CACNA1C: variants seen among roughly 807,000 people sequenced by gnomAD.
CACNA1C encodes the protein calcium voltage-gated channel subunit alpha1 C.
Under a neutral mutation model 229.0 loss-of-function variants are expected in CACNA1C, and 30 were observed. The ratio of observed to expected loss-of-function variants is 0.13; its 90% CI spans 0.10 to 0.18. The LOEUF is 0.18. CACNA1C is among the 10% of genes least tolerant of loss of function. The pLI is 1.00. For missense variants in CACNA1C, 1,658 were observed against 2,845.0 expected, an observed-to-expected ratio of 0.58 and a Z score of 9.49; for synonymous variants, 1,114 against 1,132.5, an observed-to-expected ratio of 0.98 and a Z score of 0.33.
intron 3 of CACNA1C, among the ~76,000 whole-genome samples, chr12:2,139,377 G>T (rs556920130): frequency 1.5e-4 from 22 of 151,324 alleles, no homozygotes; most frequent in Admixed American, 1.2e-3. Context: ...ATTTTCACAT[G>T]ATTCCATCTG....
chr12:2,176,405 G>A (rs1453798720), intron 3 of CACNA1C, among the ~76,000 whole-genome samples: 2 of 152,130 alleles, frequency 1.3e-5, no homozygotes, highest in Non-Finnish European at 2.9e-5. Context: ...CTGGAGGACT[G>A]TAAGCAGAGG....
chr12:2,563,590 T>A (rs1473024103), intron 11 of CACNA1C, among the ~76,000 whole-genome samples: 1 of 152,246 alleles, frequency 6.6e-6, no homozygotes, highest in Non-Finnish European at 1.5e-5. Flanking sequence ...AGAGTACCCT[T>A]CTTTGATTAC....
At chr12:2,483,198 G>A (rs938066907) in intron 5 of CACNA1C, among the ~76,000 whole-genome samples, 12 of 152,216 alleles carry the variant, frequency 7.9e-5, no homozygotes, top group African/African-American at 2.4e-4. Flanking sequence ...AGAGAACTGC[G>A]GGGTGTATTG....
intron 3 of CACNA1C, among the ~76,000 whole-genome samples, chr12:2,390,624 G>A (rs978507724): frequency 5.9e-5 from 9 of 152,198 alleles, no homozygotes; most frequent in African/African-American, 1.4e-4. Context: ...GGAGGGGTTC[G>A]AGAATCAGAG....
intron 3 of CACNA1C, among the ~76,000 whole-genome samples, chr12:2,315,841 C>T (rs560116394): frequency 2.0e-5 from 3 of 152,274 alleles, no homozygotes; most frequent in Admixed American, 6.5e-5. Flanking sequence ...GAGACTTTTC[C>T]TAGATCACTT....
chr12:2,095,776 C>G lies in CACNA1C; in HGVS notation c.50-19448C>G, dbSNP rs188405871. On this transcript the variant is annotated intron_variant, in intron 1 of 46. Transcript: ENST00000399655. ...GGAGAGTGCATGCATCCTATGAGGA[C>G]GGAGCGTGGATTTATGATGCCAGAG... Among the ~76,000 whole-genome samples the G allele has an allele frequency of 1.5e-3, 228 of 152,216 alleles. 4 individuals carry two copies. In the Middle Eastern group the frequency reaches 0.017, roughly 11 times the overall value.
intron 1 of CACNA1C, among the ~76,000 whole-genome samples, chr12:2,103,896 G>T (rs2077284335): frequency 6.6e-6 from 1 of 152,074 alleles, no homozygotes; most frequent in Non-Finnish European, 1.5e-5. Flanking sequence ...TAGATGTGTG[G>T]CATTATTTCT....
chr12:2,630,324 G>A lies in CACNA1C; in HGVS notation c.3829-3973G>A, dbSNP rs940189517. Among the ~76,000 whole-genome samples the A allele has an allele frequency of 2.0e-5, 3 of 152,094 alleles. No homozygotes were observed. The highest frequency in any genetic ancestry group is 4.8e-5 in the African/African-American group (2 of 41,418). ...CTATTACTAATGGTTTCCAGCAACC[G>A]AGGGGGCGGGCAAAAACAGAGAGAA... On this transcript the variant is annotated intron_variant, in intron 29 of 46. Coordinates refer to ENST00000399655, the MANE Select transcript of CACNA1C (RefSeq NM_000719.7). The surrounding 1 kb of genome is among the most constrained non-coding windows in gnomAD (Gnocchi z 5.4).
intron 1 of CACNA1C, chr12:2,004,545 G>C: frequency 6.9e-7 from 1 of 1,447,422 alleles, no homozygotes; most frequent in Non-Finnish European, 9.2e-7. Flanking sequence ...CGGCCCGGGA[G>C]GCCTTCCGGC....
At chr12:2,541,180 C>T (rs929156260) in intron 9 of CACNA1C, among the ~76,000 whole-genome samples, 11 of 152,148 alleles carry the variant, frequency 7.2e-5, no homozygotes, top group African/African-American at 2.7e-4. Flanking sequence ...AACATGGCTA[C>T]GCTCAGAGGT....
At chr12:2,298,017 G>T (rs547627020) in intron 3 of CACNA1C, among the ~76,000 whole-genome samples, 9 of 152,278 alleles carry the variant, frequency 5.9e-5, no homozygotes, top group Admixed American at 5.9e-4. Flanking sequence ...GTCCTTGCTG[G>T]GTAACATCTA....
At chr12:2,085,811 A>G (rs991199845) in intron 1 of CACNA1C, among the ~76,000 whole-genome samples, 4 of 152,298 alleles carry the variant, frequency 2.6e-5, no homozygotes, top group African/African-American at 9.6e-5. Context: ...ACTGTAAATG[A>G]TAGGTGGTCC....
chr12:2,121,850 T>G (rs1226413399), intron 3 of CACNA1C, among the ~76,000 whole-genome samples: 2 of 152,232 alleles, frequency 1.3e-5, no homozygotes, highest in Non-Finnish European at 2.9e-5. Context: ...CTGCAACTTT[T>G]AAAGAGGAGC....
chr12:2,256,619 G>C (rs934430991), intron 3 of CACNA1C, among the ~76,000 whole-genome samples: 1 of 152,122 alleles, frequency 6.6e-6, no homozygotes, highest in African/African-American at 2.4e-5. Flanking sequence ...GCAAGATTAA[G>C]AGCCAGGACG....
intron 3 of CACNA1C, among the ~76,000 whole-genome samples, chr12:2,364,756 C>G (rs1040719431): frequency 5.9e-5 from 9 of 152,064 alleles, no homozygotes; most frequent in Non-Finnish European, 1.2e-4. Context: ...TTCGGGGCTC[C>G]TCGTCCTGAA....
chr12:2,349,254 A>G lies in CACNA1C; in HGVS notation c.478-99722A>G, dbSNP rs79455884. Among the ~76,000 whole-genome samples, 4 of 152,324 alleles carry G rather than the reference A, an allele frequency of 2.6e-5. No homozygotes were observed. The South Asian group carries it at 6.2e-4, about 24-fold the overall frequency. ...CCGTTAGGACTGAGATGTGGCCAGC[A>G]TGAAGTCCCATGGTCCTGTGTGAGT... On this transcript the variant is annotated intron_variant, in intron 3 of 46. Transcript: ENST00000399655.
chr12:2,490,894 A>C (rs529350238), intron 6 of CACNA1C, among the ~76,000 whole-genome samples: 1 of 152,204 alleles, frequency 6.6e-6, no homozygotes, highest in Non-Finnish European at 1.5e-5. Context: ...CACCTTGATC[A>C]ACGAACACAG....
chr12:2,665,739 C>A lies in CACNA1C; in HGVS notation c.4526+31C>A. 1 of 1,602,748 alleles carries A rather than the reference C, an allele frequency of 6.2e-7. No homozygotes were observed. The highest frequency in any genetic ancestry group is 8.5e-7 in the Non-Finnish European group (1 of 1,173,704). On this transcript the variant is annotated intron_variant, in intron 36 of 46. Transcript: ENST00000399655. The surrounding 1 kb of genome is among the most constrained non-coding windows in gnomAD (Gnocchi z 5.9). ...TTCCCAGAGGGAAATCCTGATTCCC[C>A]AAGCTGAGAGAGGGTATAGCTGACC...
At chr12:2,147,440 A>G (rs2094825561) in intron 3 of CACNA1C, among the ~76,000 whole-genome samples, 1 of 151,430 alleles carries the variant, frequency 6.6e-6, no homozygotes, top group Non-Finnish European at 1.5e-5. Context: ...AAATTTGGGC[A>G]AAGCAGACCT....
Sources: gnomAD v4.1 joint callset for allele counts (sites outside exome capture counted in the v4.1 genomes callset) on GRCh38, gnomAD v4.1.1 for gene constraint, Gnocchi (gnomAD v3.1) non-coding constraint, MANE v1.5 for transcripts, NCBI Gene and HGNC (gene_info 2026-07-23, HGNC 2026-07-21) for gene names.